DOCK1: variants seen among roughly 807,000 people sequenced by gnomAD.
The protein encoded by DOCK1 is dedicator of cytokinesis 1, also known as dedicator of cytokinesis protein 1.
A neutral mutation model predicts 262.7 loss-of-function variants in DOCK1; 138 were observed. The observed-to-expected ratio is 0.53, with a 90% confidence interval of 0.46 to 0.61. The LOEUF is 0.61. DOCK1 is among the 20% of genes least tolerant of loss of function. DOCK1 has a pLI of 0.00. For missense variants in DOCK1, 1,908 were observed against 2,370.7 expected, an observed-to-expected ratio of 0.80 and a Z score of 4.05; for synonymous variants, 866 against 867.4, an observed-to-expected ratio of 1.00 and a Z score of 0.03.
Position 127,395,068 on chromosome 10 carries a change from T to C in DOCK1, c.3928-7987T>C, listed in dbSNP as rs185704611. ...GAACAGGAATTTCAGAGTGTGAGAATAGCGCCAGAAGGGGAAGAGCTCCTG... is the reference window on the plus strand; with the variant it reads ...GAACAGGAATTTCAGAGTGTGAGAACAGCGCCAGAAGGGGAAGAGCTCCTG... On this transcript the variant is annotated intron_variant, in intron 38 of 51. Coordinates refer to ENST00000623213, the MANE Select transcript of DOCK1 (RefSeq NM_001290223.2). 2.0e-5 allele frequency among the ~76,000 whole-genome samples: 3 copies of C among 152,310 alleles called. No homozygotes were observed. The East Asian group carries it at 5.8e-4, about 29-fold the overall frequency.
chr10:127,024,644 C>T (rs771832040), intron 14 of DOCK1, 41 bp from the exon 15 acceptor site: 13 of 1,549,540 alleles, frequency 8.4e-6, no homozygotes, highest in Non-Finnish European at 7.0e-6. Context: ...GTGTCAAGCT[C>T]TATGAGGTCT....
chr10:126,987,055 A>G (rs1225527597), intron 4 of DOCK1, among the ~76,000 whole-genome samples: 1 of 152,226 alleles, frequency 6.6e-6, no homozygotes, highest in African/African-American at 2.4e-5. Context: ...TTCGCCAAGG[A>G]TAACTGCTTC....
At chr10:127,150,240 C>T (rs542247666) in intron 27 of DOCK1, among the ~76,000 whole-genome samples, 73 of 152,270 alleles carry the variant, frequency 4.8e-4, no homozygotes, top group Middle Eastern at 3.4e-3. Flanking sequence ...ACTTTTCTAC[C>T]GAAGAAACTT....
intron 29 of DOCK1, among the ~76,000 whole-genome samples, chr10:127,311,171 A>G (rs1003324832): frequency 3.3e-5 from 5 of 152,212 alleles, no homozygotes; most frequent in African/African-American, 9.6e-5. Flanking sequence ...CTGCAACTGC[A>G]TTTCTACCAA....
intron 38 of DOCK1, among the ~76,000 whole-genome samples, chr10:127,386,275 A>T (rs1369818096): frequency 6.6e-6 from 1 of 152,074 alleles, no homozygotes; most frequent in Non-Finnish European, 1.5e-5. Context: ...GGAAATAAGG[A>T]TTGGAAATGT....
At chr10:127,327,327 T>A (rs1197643200) in intron 29 of DOCK1, among the ~76,000 whole-genome samples, 2 of 152,246 alleles carry the variant, frequency 1.3e-5, no homozygotes, top group East Asian at 1.9e-4. Flanking sequence ...TGGTCTATCC[T>A]AGGTCTTCTG....
At position 127,170,553 on chromosome 10, in the gene DOCK1, C is replaced by T. The variant is rs551616537; in HGVS notation, c.2847+42789C>T. ...ACACTTCAAGAGACTAAATGTTTGGCGTAGGAAATCTAAGAGGCAAAGAGC... is the reference window on the plus strand; with the variant it reads ...ACACTTCAAGAGACTAAATGTTTGGTGTAGGAAATCTAAGAGGCAAAGAGC... On this transcript the variant is annotated intron_variant, in intron 27 of 51. Coordinates refer to ENST00000623213, the MANE Select transcript of DOCK1 (RefSeq NM_001290223.2). Among the ~76,000 whole-genome samples the T allele has an allele frequency of 1.1e-4, 17 of 152,282 alleles. 1 individual carries two copies. The East Asian group carries it at 1.7e-3, about 16-fold the overall frequency.
chr10:127,308,088 C>T (rs1046888857), intron 29 of DOCK1, among the ~76,000 whole-genome samples: 1 of 152,228 alleles, frequency 6.6e-6, no homozygotes, highest in African/African-American at 2.4e-5. Flanking sequence ...GGCTGCATCT[C>T]AGACTGTGTC....
chr10:126,991,537 G>GT (rs898584693), intron 6 of DOCK1, among the ~76,000 whole-genome samples: 11 of 150,160 alleles, frequency 7.3e-5, no homozygotes, highest in Non-Finnish European at 1.2e-4. Flanking sequence ...TTGTTTGTTT[G>GT]TTTTTTTTTG....
chr10:127,008,556 A>AGCATTTTCT (rs1257349154), intron 10 of DOCK1, among the ~76,000 whole-genome samples, 176 bp from the exon 11 acceptor site: 2 of 144,940 alleles, frequency 1.4e-5, no homozygotes, highest in African/African-American at 5.1e-5. Flanking sequence ...CATTTGGGCC[A>AGCATTTTCT]GCATTTTCTG....
chr10:127,414,583 A>G (rs1312209855), intron 43 of DOCK1, among the ~76,000 whole-genome samples: 1 of 152,240 alleles, frequency 6.6e-6, no homozygotes, highest in African/African-American at 2.4e-5. Flanking sequence ...CATATAGGTT[A>G]TCAGCTTCAG....
chr10:127,121,678 A>C (rs532987867), intron 25 of DOCK1, among the ~76,000 whole-genome samples: 3 of 152,244 alleles, frequency 2.0e-5, no homozygotes, highest in Non-Finnish European at 4.4e-5. Context: ...TAAGAAATTT[A>C]TGTTTTTGCT....
At chr10:127,172,853 A>G (rs1418817890) in intron 27 of DOCK1, among the ~76,000 whole-genome samples, 1 of 152,178 alleles carries the variant, frequency 6.6e-6, no homozygotes, top group Non-Finnish European at 1.5e-5. Context: ...GGAGTGAATG[A>G]CATTTCGTGA....
In DOCK1 at chr10:127,367,064, G is replaced by A. The variant is rs529823914; in HGVS notation, c.3432+4852G>A. 4.6e-5 allele frequency among the ~76,000 whole-genome samples: 7 copies of A among 152,306 alleles called. No individual in the cohort carries two copies. The East Asian group carries it at 1.4e-3, about 29-fold the overall frequency. ...GGTGTATTTTACTCTTACAATTGGA[G>A]TAGAGAGGAGACCTGCTGGATTCAG... On this transcript the variant is annotated intron_variant, in intron 33 of 51. Transcript: ENST00000623213.
chr10:127,358,732 T>A (rs79426172), intron 32 of DOCK1, among the ~76,000 whole-genome samples: 10,005 of 152,248 alleles, frequency 0.066, 394 homozygotes, highest in Middle Eastern at 0.11. Flanking sequence ...TGTGGCCAGG[T>A]GGTGGAAGCT....
Position 127,385,778 on chromosome 10 carries a change from G to T in DOCK1, c.3927+869G>T, listed in dbSNP as rs1414769080. 2.0e-5 allele frequency among the ~76,000 whole-genome samples: 3 copies of T among 152,168 alleles called. No homozygotes were observed. The East Asian group carries it at 5.8e-4, about 29-fold the overall frequency. ...TTTTCCTTTGGGTGTGTTGCTGGCG[G>T]TCTCTGGCACTGGTCATCTGTAACC... On this transcript the variant is annotated intron_variant, in intron 38 of 51. Transcript: ENST00000623213.
intron 27 of DOCK1, among the ~76,000 whole-genome samples, chr10:127,228,742 T>A (rs2134528221): frequency 6.6e-6 from 1 of 152,332 alleles, no homozygotes; most frequent in South Asian, 2.1e-4. Context: ...TCACACACAT[T>A]CTCTAGCATA....
rs12263328 is a variant in DOCK1, at chr10:127,119,104, C to T, written c.2624-6370C>T. On this transcript the variant is annotated intron_variant, in intron 25 of 51. Transcript: ENST00000623213. ...TGTCACCCAGGCTGGAGTGCAGTGG[C>T]GCAATCTCGGCTTACTGCAAGCTCC... Among the ~76,000 whole-genome samples the T allele has an allele frequency of 9.8e-3, 1,466 of 149,800 alleles. 24 individuals carry two copies. The highest frequency in any genetic ancestry group is 0.034 in the African/African-American group (1,373 of 40,576).
intron 27 of DOCK1, among the ~76,000 whole-genome samples, chr10:127,190,293 TCAGC>T (rs2056624649): frequency 6.6e-6 from 1 of 152,228 alleles, no homozygotes; most frequent in Non-Finnish European, 1.5e-5. Context: ...TCAGTACTGT[TCAGC>T]CCTGGAAGCC....
Sources: allele counts gnomAD v4.1 joint callset (sites outside exome capture counted in the v4.1 genomes callset), GRCh38; gene constraint gnomAD v4.1.1; transcripts MANE v1.5; gene names NCBI Gene and HGNC (gene_info 2026-07-23, HGNC 2026-07-21).